Variants in LRBA observed in about 807,000 individuals in gnomAD.
LRBA encodes lipopolysaccharide-responsive and beige-like anchor protein.
LRBA carries 176 observed loss-of-function variants against 330.0 expected under a neutral mutation model. The observed-to-expected ratio is 0.53, with a 90% CI of 0.47 to 0.60. The LOEUF (loss-of-function observed/expected upper bound fraction) is 0.60, where lower values mean the gene tolerates loss of function less well. LRBA is among the 20% of genes least tolerant of loss of function. The pLI is 0.00. For synonymous variants in LRBA, 1,230 were observed against 1,193.0 expected (o/e 1.03, Z -0.64); for missense variants, 3,259 against 3,444.8 (o/e 0.95, Z 1.35).
chr4:150,955,579 C>A (rs1156530992), intron 2 of LRBA, among the ~76,000 whole-genome samples: 8 of 147,610 alleles, frequency 5.4e-5, no homozygotes, highest in African/African-American at 1.1e-4. Flanking sequence ...ACAAGGCAAA[C>A]CCCCATCTCA....
At chr4:150,675,930 C>T (rs1182793395) in intron 37 of LRBA, among the ~76,000 whole-genome samples, 1 of 152,060 alleles carries the variant, frequency 6.6e-6, no homozygotes, top group African/African-American at 2.4e-5. Flanking sequence ...ATCACACAAT[C>T]TTAGAGGTGA....
chr4:150,821,671 C>T (rs1422681009), intron 30 of LRBA, among the ~76,000 whole-genome samples: 1 of 151,970 alleles, frequency 6.6e-6, no homozygotes, highest in Non-Finnish European at 1.5e-5. Flanking sequence ...AAATAGTTCA[C>T]TAAAGGAAAA....
At position 150,517,596 on chromosome 4, in the gene LRBA, A is replaced by T. The variant is rs184451481; in HGVS notation, c.6331-26561T>A. Among the ~76,000 whole-genome samples, 1,086 of 152,298 alleles carry T rather than the reference A, an allele frequency of 7.1e-3. 9 individuals carry two copies. The highest frequency in any genetic ancestry group is 0.011 in the Non-Finnish European group (767 of 68,008). ...GAGGAGAAAGCCAAGACAAAGAAAA[A>T]CAGGATGCATAAAAGTAAAATGCAC... On this transcript the variant is annotated intron_variant, in intron 40 of 56. Coordinates refer to ENST00000651943, the MANE Select transcript of LRBA (RefSeq NM_001364905.1).
intron 35 of LRBA, among the ~76,000 whole-genome samples, chr4:150,735,918 A>G (rs1232649264): frequency 1.3e-5 from 2 of 152,194 alleles, no homozygotes; most frequent in Non-Finnish European, 1.5e-5. Context: ...AGGCCTCAAA[A>G]CACTGAAACA....
chr4:150,607,589 G>T (rs981449459), intron 37 of LRBA, among the ~76,000 whole-genome samples: 21 of 151,600 alleles, frequency 1.4e-4, no homozygotes, highest in African/African-American at 4.6e-4. Context: ...AAGAGAAGAG[G>T]CCTGTGCTAG....
intron 40 of LRBA, among the ~76,000 whole-genome samples, chr4:150,576,839 T>G (rs1307262207): frequency 6.6e-6 from 1 of 151,948 alleles, no homozygotes; most frequent in African/African-American, 2.4e-5. Flanking sequence ...CTGTACAAAA[T>G]TAAAGCTACT....
At chr4:150,287,162 G>C (rs751285932) in intron 53 of LRBA, among the ~76,000 whole-genome samples, 1 of 152,150 alleles carries the variant, frequency 6.6e-6, no homozygotes, top group Non-Finnish European at 1.5e-5. Context: ...GAAGAGAATC[G>C]CTTGTATCTT....
chr4:150,546,948 G>A (rs1051372781), intron 40 of LRBA, among the ~76,000 whole-genome samples: 1 of 152,084 alleles, frequency 6.6e-6, no homozygotes, highest in Non-Finnish European at 1.5e-5. Flanking sequence ...AAACTCAACT[G>A]ATGGGTTATG....
chr4:150,435,302 G>A (rs1213230277), intron 46 of LRBA, among the ~76,000 whole-genome samples: 1 of 152,118 alleles, frequency 6.6e-6, no homozygotes, highest in Non-Finnish European at 1.5e-5. Flanking sequence ...AGTGAGCCAA[G>A]ATCACGCCAT....
intron 47 of LRBA, among the ~76,000 whole-genome samples, chr4:150,405,920 T>C (rs1746134286): frequency 6.6e-6 from 1 of 151,990 alleles, no homozygotes; most frequent in African/African-American, 2.4e-5. Flanking sequence ...CTGGGTGTAG[T>C]GGCACACGTT....
At chr4:150,379,303 C>CAAAAA (rs10634420) in intron 47 of LRBA, among the ~76,000 whole-genome samples, 64 of 59,782 alleles carry the variant, frequency 1.1e-3, no homozygotes, top group Non-Finnish European at 1.3e-3. Context: ...AACTCTAGCT[C>CAAAAA]AAAAAAAAAA....
intron 55 of LRBA, among the ~76,000 whole-genome samples, chr4:150,279,461 T>G (rs1431139343): frequency 6.6e-6 from 1 of 152,186 alleles, no homozygotes; most frequent in African/African-American, 2.4e-5. Context: ...GAATACAGAT[T>G]GTGCTGGCAA....
At chr4:150,592,950 G>A (rs1274868373) in intron 38 of LRBA, among the ~76,000 whole-genome samples, 1 of 151,508 alleles carries the variant, frequency 6.6e-6, no homozygotes, top group Non-Finnish European at 1.5e-5. Context: ...TTTTTTAAAG[G>A]CTAAAAAGAA....
chr4:150,881,953 G>A (rs1208620749), intron 17 of LRBA, among the ~76,000 whole-genome samples: 1 of 152,056 alleles, frequency 6.6e-6, no homozygotes, highest in East Asian at 1.9e-4. Flanking sequence ...GGGTGTGGTG[G>A]CACATGCCTG....
chr4:150,782,147 T>C (rs1738332957), intron 34 of LRBA, among the ~76,000 whole-genome samples: 1 of 152,170 alleles, frequency 6.6e-6, no homozygotes, highest in Non-Finnish European at 1.5e-5. Context: ...ACTCAAGCAA[T>C]TCTCCCACCT....
At chr4:150,902,953 C>A (rs183579432) in intron 13 of LRBA, among the ~76,000 whole-genome samples, 23 of 152,228 alleles carry the variant, frequency 1.5e-4, no homozygotes, top group Non-Finnish European at 3.2e-4. Flanking sequence ...GAGGATATTT[C>A]CATTTTTAAG....
chr4:150,471,584 TTTA>T (rs1273412554), intron 43 of LRBA, 37 bp downstream of exon 43: 1 of 1,146,748 alleles, frequency 8.7e-7, no homozygotes, highest in Non-Finnish European at 1.3e-6. Flanking sequence ...AAATTAATAA[TTTA>T]TTGTCTAAAA....
chr4:151,012,462 T>A (rs1323399717), intron 2 of LRBA, among the ~76,000 whole-genome samples: 1 of 152,156 alleles, frequency 6.6e-6, no homozygotes. Context: ...TGAAGGCATA[T>A]GACATTTTAA....
intron 40 of LRBA, among the ~76,000 whole-genome samples, chr4:150,564,891 C>A (rs547386196): frequency 3.3e-5 from 5 of 152,002 alleles, no homozygotes; most frequent in Admixed American, 2.0e-4. Context: ...CAGATGCTGG[C>A]GAAGCTATGG....
Sources: gnomAD v4.1 joint callset for allele counts (sites outside exome capture counted in the v4.1 genomes callset) on GRCh38, gnomAD v4.1.1 for gene constraint, MANE v1.5 for transcripts, NCBI Gene and HGNC (gene_info 2026-07-23, HGNC 2026-07-21) for gene names.